GTF2I: variants seen among roughly 807,000 people sequenced by gnomAD.
GTF2I encodes general transcription factor II-I.
GTF2I carries 12 observed loss-of-function variants against 67.6 expected under a neutral mutation model. The observed-to-expected ratio is 0.18, with a 90% confidence interval of 0.11 to 0.29. GTF2I has a LOEUF of 0.29. Among genes scored for constraint, GTF2I ranks in the 10% least tolerant of loss-of-function variants. GTF2I has a pLI of 1.00. For missense variants in GTF2I, 271 were observed against 580.1 expected, an observed-to-expected ratio of 0.47 and a Z score of 5.47; for synonymous variants, 149 against 197.0, an observed-to-expected ratio of 0.76 and a Z score of 2.04.
chr7:74,732,758 G>A, intron 15 of GTF2I, 96 bp downstream of exon 15: 2 of 1,503,514 alleles, frequency 1.3e-6, no homozygotes, highest in Non-Finnish European at 1.8e-6. Flanking sequence ...TAGGTTCTAT[G>A]TGATGAAGTT....
At chr7:74,691,184 A>T in intron 3 of GTF2I, 73 bp downstream of exon 3, 17 of 1,006,028 alleles carry the variant, frequency 1.7e-5, no homozygotes, top group East Asian at 1.1e-4. Context: ...GACAAGTTAT[A>T]TTATTTTCTT....
intron 12 of GTF2I, among the ~76,000 whole-genome samples, chr7:74,723,061 T>A (rs587774368): frequency 6.6e-6 from 1 of 152,246 alleles, no homozygotes; most frequent in East Asian, 1.9e-4. Flanking sequence ...GACTAAACTA[T>A]TCATATGTTC....
intron 1 of GTF2I, among the ~76,000 whole-genome samples, chr7:74,686,867 G>C (rs1787784374): frequency 6.6e-6 from 1 of 151,890 alleles, no homozygotes. Flanking sequence ...AAATATATGG[G>C]GATAAGTGTT....
At chr7:74,700,578 AGTTTT>A (rs782599026) in intron 5 of GTF2I, 23 bp from the exon 6 acceptor site, 29 of 1,611,776 alleles carry the variant, frequency 1.8e-5, no homozygotes, top group African/African-American at 2.7e-5. Flanking sequence ...ATTCATACGA[AGTTTT>A]GTTTTGTTTT....
intron 12 of GTF2I, among the ~76,000 whole-genome samples, chr7:74,720,740 T>C (rs1792857391): frequency 1.3e-5 from 1 of 79,242 alleles, no homozygotes; most frequent in Non-Finnish European, 2.4e-5. Context: ...ATAGAAGCTG[T>C]ATTTTTTTTT....
Position 74,690,999 on chromosome 7 carries a change from C to G in GTF2I, c.126C>G (p.Ala42=). The change falls in exon 3 of 35, where the codon GCC becomes GCG. Residue 42 remains alanine, a synonymous_variant. Coordinates refer to ENST00000573035, the MANE Select transcript of GTF2I (RefSeq NM_032999.4). The part of the protein sequence containing the change: ...SMCKELAKSK[A]EVACIAVYET... ...GTAAAGAACTGGCCAAGTCCAAAGC[C>G]GAAGTGGCCTGCATTGCAGTGTATG... 6.2e-7 allele frequency: 1 copy of G among 1,612,870 alleles called. No individual in the cohort carries two copies. Among genetic ancestry groups the G allele is most frequent in the Non-Finnish European group, 8.5e-7 (1 of 1,179,590 alleles).
At position 74,691,154 on chromosome 7, in the gene GTF2I, G is replaced by A. The variant is rs373091053; in HGVS notation, c.238+43G>A. The A allele has an allele frequency of 2.9e-6, 4 of 1,370,224 alleles. No individual in the cohort carries two copies. The African/African-American group carries it at 5.8e-5, about 20-fold the overall frequency. The allele number at this position is 1,370,224 out of a possible 1,614,324, so 84.9% of individuals were successfully genotyped here. On this transcript the variant is annotated intron_variant, in intron 3 of 34. Coordinates refer to ENST00000573035, the MANE Select transcript of GTF2I (RefSeq NM_032999.4). ...ATCTTTTGCATTTCATTAATTTTAAGCCTAAATATTTGTAGGTAAGACAAG... is the reference window on the plus strand; with the variant it reads ...ATCTTTTGCATTTCATTAATTTTAAACCTAAATATTTGTAGGTAAGACAAG...
chr7:74,686,567 A>G (rs1554395576), intron 1 of GTF2I, among the ~76,000 whole-genome samples: 1 of 152,208 alleles, frequency 6.6e-6, no homozygotes. Flanking sequence ...TTTCAGAAAT[A>G]ATGAAAGTGT....
At chr7:74,698,521 G>A (rs1339489549) in intron 3 of GTF2I, among the ~76,000 whole-genome samples, 3 of 148,558 alleles carry the variant, frequency 2.0e-5, no homozygotes, top group African/African-American at 7.5e-5. Context: ...GACTCAAGCA[G>A]CCCTCACTTC....
At chr7:74,669,282 G>T (rs1438859386) in intron 1 of GTF2I, among the ~76,000 whole-genome samples, 1 of 131,714 alleles carries the variant, frequency 7.6e-6, no homozygotes, top group Admixed American at 8.8e-5. Context: ...AGGCTGGAGT[G>T]CAATGGCACA....
intron 1 of GTF2I, among the ~76,000 whole-genome samples, chr7:74,685,488 C>T (rs1333736293): frequency 6.6e-6 from 1 of 151,912 alleles, no homozygotes; most frequent in African/African-American, 2.4e-5. Flanking sequence ...CAAAGCAAGA[C>T]CCTGTCTCAA....
intron 1 of GTF2I, among the ~76,000 whole-genome samples, chr7:74,680,150 G>A (rs28550371): frequency 0.17 from 22,162 of 127,170 alleles, 3,418 homozygotes; most frequent in African/African-American, 0.44. Context: ...ATATATATAT[G>A]TATGTATATA....
chr7:74,700,601 T>C lies in GTF2I; in HGVS notation c.558-5T>C. 6.2e-7 allele frequency: 1 copy of C among 1,614,116 alleles called. No individual in the cohort carries two copies. Among genetic ancestry groups the C allele is most frequent in the Non-Finnish European group, 8.5e-7 (1 of 1,179,926 alleles). ...GAAGTTTTGTTTTGTTTTGTTTTAATGCAGACCTTTTTTAGAGCCAAAGAA... is the reference window on the plus strand; with the variant it reads ...GAAGTTTTGTTTTGTTTTGTTTTAACGCAGACCTTTTTTAGAGCCAAAGAA... On this transcript the variant is annotated splice_polypyrimidine_tract_variant and splice_region_variant and intron_variant, in intron 5 of 34. Coordinates refer to ENST00000573035, the MANE Select transcript of GTF2I (RefSeq NM_032999.4).
At chr7:74,695,740 G>A (rs1788827001) in intron 3 of GTF2I, among the ~76,000 whole-genome samples, 1 of 151,796 alleles carries the variant, frequency 6.6e-6, no homozygotes, top group South Asian at 2.1e-4. Context: ...TTATAATGTT[G>A]AGAAATGTTC....
chr7:74,714,933 T>TC lies in GTF2I; in HGVS notation c.823+19dup. 1 of 1,528,632 alleles carries TC rather than the reference T, an allele frequency of 6.5e-7. No individual in the cohort carries two copies. Among genetic ancestry groups the TC allele is most frequent in the East Asian group, 2.3e-5 (1 of 44,038 alleles). The allele number at this position is 1,528,632 out of a possible 1,614,324, so 94.7% of individuals were successfully genotyped here. ...CTTTGCAAGGTATAATCTTTTCACT[T>TC]CCATTCTCCCACATACTGCTTGTGT... On this transcript the variant is annotated intron_variant, in intron 10 of 34. Transcript: ENST00000573035.
chr7:74,749,910 A>AAAAG (rs1554409686), intron 26 of GTF2I, among the ~76,000 whole-genome samples: 2 of 149,564 alleles, frequency 1.3e-5, no homozygotes, highest in African/African-American at 4.9e-5. Context: ...AAAAAAAAAA[A>AAAAG]AAGAAGAAGA....
chr7:74,662,215 T>C (rs1418954810), intron 1 of GTF2I, among the ~76,000 whole-genome samples: 2 of 138,072 alleles, frequency 1.4e-5, no homozygotes, highest in Admixed American at 7.1e-5. Context: ...TTTTTTTTTT[T>C]TTTTTTTTTT....
intron 3 of GTF2I, among the ~76,000 whole-genome samples, chr7:74,691,751 T>G (rs1394974741): frequency 1.3e-5 from 2 of 152,092 alleles, no homozygotes; most frequent in African/African-American, 4.8e-5. Flanking sequence ...GTTAAAACTT[T>G]TACTCAGATA....
At chr7:74,677,902 A>G (rs1169980296) in intron 1 of GTF2I, among the ~76,000 whole-genome samples, 1 of 152,166 alleles carries the variant, frequency 6.6e-6, no homozygotes, top group Non-Finnish European at 1.5e-5. Context: ...GAAAACCAAG[A>G]AAGAGAGAAC....
Sources: gnomAD v4.1 joint callset for allele counts (sites outside exome capture counted in the v4.1 genomes callset) on GRCh38, gnomAD v4.1.1 for gene constraint, MANE v1.5 for transcripts, NCBI Gene and HGNC (gene_info 2026-07-23, HGNC 2026-07-21) for gene names.